The following LETM1 variants were observed in gnomAD, a reference collection of about 807,000 sequenced individuals.
LETM1 encodes mitochondrial proton/calcium exchanger protein.
In LETM1, 50 loss-of-function variants were observed where a neutral mutation model predicts 74.5. The ratio of observed to expected loss-of-function variants is 0.67; its 90% CI spans 0.53 to 0.85. The LOEUF is 0.85. Among genes scored for constraint, LETM1 ranks in the 40% least tolerant of loss-of-function variants. The probability of loss-of-function intolerance (pLI) is 0.00; values close to 1 mark genes in which losing one functional copy is unlikely to be tolerated. For synonymous variants in LETM1, 446 were observed against 407.1 expected (o/e 1.10, Z -1.15); for missense variants, 824 against 967.8 (o/e 0.85, Z 1.97).
intron 6 of LETM1, among the ~76,000 whole-genome samples, chr4:1,827,829 C>T (rs1463579352): frequency 1.3e-5 from 2 of 151,052 alleles, no homozygotes; most frequent in Admixed American, 1.3e-4. Context: ...GGGTGGTGGC[C>T]GGGCAGAGGG....
chr4:1,823,813 C>A (rs771266909), intron 7 of LETM1, 38 bp from the exon 8 acceptor site: 4 of 1,580,158 alleles, frequency 2.5e-6, no homozygotes, highest in South Asian at 2.4e-5. Flanking sequence ...GGGCAGCCCC[C>A]CAACCCTGCT....
intron 11 of LETM1, 55 bp from the exon 12 acceptor site, chr4:1,816,969 G>A (rs1487063052): frequency 2.7e-6 from 4 of 1,459,610 alleles, no homozygotes; most frequent in Non-Finnish European, 3.8e-6. Flanking sequence ...AAGGGGGTCA[G>A]GTGTAGTGGC....
Position 1,834,516 on chromosome 4 carries a change from G to C in LETM1, c.876+329C>G. 3 of 1,092,654 alleles carry C rather than the reference G, an allele frequency of 2.7e-6. No homozygotes were observed. The highest frequency in any genetic ancestry group is 3.3e-6 in the Non-Finnish European group (3 of 896,830). The allele number at this position is 1,092,654 out of a possible 1,614,324, so 67.7% of individuals were successfully genotyped here. A position where few individuals can be genotyped will look rare whatever the true frequency, so the allele number is the denominator to read the frequency against. ...AGGGCAATGCCCAGCAGAGGAGCCC[G>C]GCCAAGCCACCCACACCTCACACCA... On this transcript the variant is annotated intron_variant, in intron 5 of 13. Transcript: ENST00000302787. The surrounding 1 kb of genome is among the most constrained non-coding windows in gnomAD (Gnocchi z 5.0).
intron 1 of LETM1, 50 bp downstream of exon 1, chr4:1,855,819 C>T: frequency 8.9e-7 from 1 of 1,120,488 alleles, no homozygotes; most frequent in Non-Finnish European, 1.1e-6. Context: ...GTCCGCGCTC[C>T]CGACCCACCA....
intron 1 of LETM1, among the ~76,000 whole-genome samples, chr4:1,853,860 T>C (rs2108859162): frequency 6.6e-6 from 1 of 152,294 alleles, no homozygotes; most frequent in Non-Finnish European, 1.5e-5. Flanking sequence ...TCGCTGGCTC[T>C]GAAATCCCTA....
In LETM1 at chr4:1,814,292, A is replaced by ATT; in HGVS notation, c.*130_*131dup. On this transcript the variant is annotated 3_prime_UTR_variant, in exon 14 of 14. Coordinates refer to ENST00000302787, the MANE Select transcript of LETM1 (RefSeq NM_012318.3). ...AATGATGAAAATTAAAATTTACTTG[A>ATT]TTATGGAAGTCTCTGATTTATTCCA... The ATT allele has an allele frequency of 7.4e-7, 1 of 1,357,692 alleles. No homozygotes were observed. The highest frequency in any genetic ancestry group is 2.0e-5 in the Admixed American group (1 of 49,452). The allele number at this position is 1,357,692 out of a possible 1,614,324, so 84.1% of individuals were successfully genotyped here. A position where few individuals can be genotyped will look rare whatever the true frequency, so the allele number is the denominator to read the frequency against.
chr4:1,841,760 C>A lies in LETM1; in HGVS notation c.181G>T (p.Val61Leu). The A allele has an allele frequency of 6.2e-7, 1 of 1,613,878 alleles. No homozygotes were observed. The highest frequency in any genetic ancestry group is 8.5e-7 in the Non-Finnish European group (1 of 1,180,016). ...PFGCCTPIHPVYTSSRGDHLG... is the reference protein window; with the variant it reads ...PFGCCTPIHPLYTSSRGDHLG... ...TGATCGCCTCTGGAGGATGTGTACA[C>A]AGGGTGGATGGGAGTGCAGCAGCCA... Residue 61 changes from valine (V) to leucine (L), a missense_variant, in exon 3 of 14, where the codon GTG becomes TTG. This residue lies in a region of LETM1 where 222 missense variants were observed against 195.6 expected (regional missense o/e 1.14). Coordinates refer to ENST00000302787, the MANE Select transcript of LETM1 (RefSeq NM_012318.3).
chr4:1,828,006 G>A (rs1455921798), intron 6 of LETM1, among the ~76,000 whole-genome samples: 28 of 137,700 alleles, frequency 2.0e-4, no homozygotes, highest in East Asian at 6.3e-4. Context: ...GGGCAGAGGC[G>A]CCCCCCAACC....
At chr4:1,819,513 G>A (rs747163671) in intron 10 of LETM1, 41 bp from the exon 11 acceptor site, 1 of 1,591,212 alleles carries the variant, frequency 6.3e-7, no homozygotes, top group African/African-American at 1.3e-5. Context: ...TGAGCCAAGG[G>A]AAAGAACTGG....
At chr4:1,825,485 A>G (rs1461077741) in intron 7 of LETM1, 79 bp downstream of exon 7, 9 of 1,528,230 alleles carry the variant, frequency 5.9e-6, no homozygotes, top group Non-Finnish European at 8.0e-6. Flanking sequence ...GAGTTTGGGA[A>G]GAGCCTCCGA....
At chr4:1,822,131 C>G (rs748331303) in intron 10 of LETM1, 50 bp downstream of exon 10, 6 of 1,351,160 alleles carry the variant, frequency 4.4e-6, no homozygotes, top group Non-Finnish European at 4.8e-6. Flanking sequence ...GTCCACAAAG[C>G]CAGGCCATGC....
chr4:1,838,513 C>T (rs937901739), intron 3 of LETM1, among the ~76,000 whole-genome samples: 12 of 151,970 alleles, frequency 7.9e-5, no homozygotes, highest in Non-Finnish European at 5.9e-5. Context: ...CCAGTCTCTA[C>T]GAAAAATTTA....
intron 2 of LETM1, among the ~76,000 whole-genome samples, chr4:1,844,947 T>G (rs931903635): frequency 6.8e-6 from 1 of 147,922 alleles, no homozygotes; most frequent in Non-Finnish European, 1.5e-5. Flanking sequence ...ATCCTAGCAC[T>G]TTGAGAGGCC....
chr4:1,853,012 C>G (rs1713116440), intron 1 of LETM1, among the ~76,000 whole-genome samples: 1 of 152,214 alleles, frequency 6.6e-6, no homozygotes, highest in Non-Finnish European at 1.5e-5. Context: ...ACCTCCACCT[C>G]CTCCCCAGGC....
intron 4 of LETM1, 137 bp from the exon 5 acceptor site, chr4:1,835,119 T>TG: frequency 1.3e-6 from 1 of 798,226 alleles, no homozygotes. Context: ...GTGCAATACA[T>TG]TCTCAAACTC....
intron 6 of LETM1, among the ~76,000 whole-genome samples, chr4:1,830,360 C>T (rs1712222263): frequency 6.6e-6 from 1 of 152,234 alleles, no homozygotes; most frequent in African/African-American, 2.4e-5. Flanking sequence ...GAGAGACAGT[C>T]TCCCTCTGTT....
At position 1,850,925 on chromosome 4, in the gene LETM1, C is replaced by T. The variant is rs374666259; in HGVS notation, c.83-1716G>A. 8.1e-4 allele frequency among the ~76,000 whole-genome samples: 119 copies of T among 147,750 alleles called. 3 individuals carry two copies. The South Asian group carries it at 0.024, about 30-fold the overall frequency. ...CAGAGGTTGCAGTGAGCTGAGATCG[C>T]GCCATTGCACTCAAAAAAAAAAAAA... On this transcript the variant is annotated intron_variant, in intron 1 of 13. Coordinates refer to ENST00000302787, the MANE Select transcript of LETM1 (RefSeq NM_012318.3).
At chr4:1,814,734 AG>A (rs750801526) in intron 13 of LETM1, among the ~76,000 whole-genome samples, 161 bp from the exon 14 acceptor site, 23 of 152,186 alleles carry the variant, frequency 1.5e-4, no homozygotes, top group Non-Finnish European at 3.1e-4. Flanking sequence ...AATTCCCCCA[AG>A]GGGTGCCACA....
Position 1,844,656 on chromosome 4 carries a change from G to A in LETM1, c.144-2859C>T, listed in dbSNP as rs547927232. 3.5e-3 allele frequency among the ~76,000 whole-genome samples: 536 copies of A among 152,088 alleles called. 7 individuals carry two copies. The highest frequency in any genetic ancestry group is 0.012 in the African/African-American group (501 of 41,484). The stretch of plus-strand genomic sequence containing the variant: ...TGAGGCGTGAGAACTGCTTGAAGCC[G>A]GGAGGTGGAGGCTGCAGGGAGGCAG... On this transcript the variant is annotated intron_variant, in intron 2 of 13. Transcript: ENST00000302787.
Sources: allele counts gnomAD v4.1 joint callset (sites outside exome capture counted in the v4.1 genomes callset), GRCh38; gene constraint gnomAD v4.1.1; regional missense constraint gnomAD v4.1.1; non-coding constraint Gnocchi (gnomAD v3.1); transcripts MANE v1.5; gene names NCBI Gene and HGNC (gene_info 2026-07-23, HGNC 2026-07-21).